Variants in EPHB4 observed in about 807,000 individuals in gnomAD.
The protein encoded by EPHB4 is EPH receptor B4, also known as ephrin type-B receptor 4.
In EPHB4, 50 loss-of-function variants were observed where a neutral mutation model predicts 110.6. That is an observed-to-expected ratio of 0.45 (90% confidence interval 0.36 to 0.57). The LOEUF (loss-of-function observed/expected upper bound fraction) is 0.57. Among genes scored for constraint, EPHB4 ranks in the 20% least tolerant of loss-of-function variants. The pLI is 0.00. For missense variants in EPHB4, 1,128 were observed against 1,382.1 expected, an observed-to-expected ratio of 0.82 and a Z score of 2.91; for synonymous variants, 592 against 578.4, an observed-to-expected ratio of 1.02 and a Z score of -0.34.
chr7:100,809,326 C>T (rs555235545), intron 12 of EPHB4, among the ~76,000 whole-genome samples: 8 of 152,070 alleles, frequency 5.3e-5, no homozygotes, highest in Non-Finnish European at 8.8e-5. Context: ...AGGCTGGTCT[C>T]GAACTCCTGA....
intron 8 of EPHB4, among the ~76,000 whole-genome samples, chr7:100,816,617 G>A (rs1360860098): frequency 6.6e-6 from 1 of 152,090 alleles, no homozygotes; most frequent in Non-Finnish European, 1.5e-5. Flanking sequence ...TACAGGGTGA[G>A]CCACTGTGCC....
chr7:100,810,022 T>G (rs902857124), intron 12 of EPHB4, among the ~76,000 whole-genome samples: 1 of 151,456 alleles, frequency 6.6e-6, no homozygotes, highest in African/African-American at 2.4e-5. Flanking sequence ...GCTGAGGTGG[T>G]GGGCAGATCA....
At chr7:100,810,202 A>C (rs1812898090) in intron 12 of EPHB4, among the ~76,000 whole-genome samples, 1 of 152,140 alleles carries the variant, frequency 6.6e-6, no homozygotes, top group Admixed American at 6.6e-5. Context: ...GTGAGCCGAG[A>C]TTGTGCCACT....
At chr7:100,817,082 CAAAAAAAAAA>C (rs35304729) in intron 8 of EPHB4, 100 bp downstream of exon 8, 62 of 783,200 alleles carry the variant, frequency 7.9e-5, no homozygotes, top group South Asian at 4.7e-4. Flanking sequence ...GACTCCATCT[CAAAAAAAAAA>C]AAAAAAAAAA....
intron 6 of EPHB4, 117 bp from the exon 7 acceptor site, chr7:100,818,761 G>A: frequency 7.6e-7 from 1 of 1,315,540 alleles, no homozygotes; most frequent in Non-Finnish European, 1.0e-6. Flanking sequence ...GGAGTGCAGT[G>A]GCGCAGTCTC....
In EPHB4 at chr7:100,813,157, A is replaced by G; in HGVS notation, c.1808T>C (p.Val603Ala). The change falls in exon 11 of 17, where the codon GTG (valine) becomes GCG (alanine). Residue 603 changes from valine to alanine, a missense_variant. Val to Ala is a moderately conservative substitution (Grantham distance 64). This residue lies in a region of EPHB4 where 191 missense variants were observed against 313.0 expected (regional missense o/e 0.61). Coordinates refer to ENST00000358173, the MANE Select transcript of EPHB4 (RefSeq NM_004444.5). The stretch of plus-strand genomic sequence containing the variant: ...ATCGATCTCTTTTGCAAATTCCCTC[A>G]CAGCCTCATTAGGGTCTTCATAAGT... The part of the protein sequence containing the change: ...PFTYEDPNEA[V>A]REFAKEIDVS... The G allele has an allele frequency of 3.1e-6, 5 of 1,610,168 alleles. No individual in the cohort carries two copies. Among genetic ancestry groups the G allele is most frequent in the Non-Finnish European group, 3.4e-6 (4 of 1,179,986 alleles).
chr7:100,823,197 T>C (rs369926232), intron 3 of EPHB4, among the ~76,000 whole-genome samples: 4 of 150,970 alleles, frequency 2.6e-5, no homozygotes, highest in African/African-American at 7.3e-5. Context: ...GTATGCAGGA[T>C]TGTAGGGAGG....
rs1313745323 is a variant in EPHB4 at position 100,819,537 on chromosome 7, C to A, written c.1297+20G>T. On this transcript the variant is annotated intron_variant, in intron 6 of 16. Coordinates refer to ENST00000358173, the MANE Select transcript of EPHB4 (RefSeq NM_004444.5). ...ATCTCTCCCGCCAGACCACCAGCCG[C>A]CCCAGCCCCCAAGTCTCACCCTCTC... is the stretch of plus-strand genomic sequence containing the variant. 1 of 1,536,454 alleles carries A rather than the reference C, an allele frequency of 6.5e-7. No homozygotes were observed. The highest frequency in any genetic ancestry group is 1.4e-5 in the African/African-American group (1 of 72,760).
chr7:100,807,630 T>TC, intron 12 of EPHB4, 50 bp from the exon 13 acceptor site: 1 of 1,558,182 alleles, frequency 6.4e-7, no homozygotes. Context: ...CACCCACCGT[T>TC]CCCCCTCCCA....
At chr7:100,806,707 GTT>G (rs1371467946) in intron 13 of EPHB4, 138 bp from the exon 14 acceptor site, 13 of 1,054,440 alleles carry the variant, frequency 1.2e-5, no homozygotes, top group Non-Finnish European at 1.6e-5. Flanking sequence ...CTCCAACTCT[GTT>G]TGCCCAGGTT....
intron 12 of EPHB4, among the ~76,000 whole-genome samples, chr7:100,810,420 G>A (rs563117167): frequency 4.6e-5 from 7 of 152,098 alleles, no homozygotes; most frequent in Admixed American, 2.0e-4. Flanking sequence ...TCATCATGAG[G>A]AACTGCTCAA....
At position 100,806,432 on chromosome 7, in the gene EPHB4, C is replaced by G; in HGVS notation, c.2472G>C (p.Met824Ile). 1.9e-6 allele frequency: 3 copies of G among 1,613,660 alleles called. No homozygotes were observed. The highest frequency in any genetic ancestry group is 2.5e-6 in the Non-Finnish European group (3 of 1,179,768). The change falls in exon 14 of 17, where the codon ATG becomes ATC. Residue 824 changes from methionine (M) to isoleucine (I), a missense_variant. Coordinates refer to ENST00000358173, the MANE Select transcript of EPHB4 (RefSeq NM_004444.5). Reference sequence around the variant, plus strand: ...ACGGGACACTTACGTCCTGATTGCTCATGTCCCAGTACGGCCTCTCCCCAA... The same window carrying G: ...ACGGGACACTTACGTCCTGATTGCTGATGTCCCAGTACGGCCTCTCCCCAA... Reference protein sequence around the residue: ...MSFGERPYWDMSNQDVINAIE... With the variant: ...MSFGERPYWDISNQDVINAIE...
At chr7:100,809,298 G>T (rs1812880185) in intron 12 of EPHB4, among the ~76,000 whole-genome samples, 1 of 151,954 alleles carries the variant, frequency 6.6e-6, no homozygotes, top group Admixed American at 6.6e-5. Context: ...GTACAGACAG[G>T]GTTTCACCAT....
Position 100,822,671 on chromosome 7 carries a change from C to G in EPHB4, c.412-4G>C. ...GCTCCGCGGCCACCGTGTCCACCTG[C>G]CGGCGGGGGGGAGGCACACCGCTGC... On this transcript the variant is annotated splice_polypyrimidine_tract_variant and splice_region_variant and intron_variant, in intron 3 of 16. Transcript: ENST00000358173. The surrounding 1 kb of genome is among the most constrained non-coding windows in gnomAD (Gnocchi z 4.7). The G allele has an allele frequency of 6.4e-7, 1 of 1,551,636 alleles. No individual in the cohort carries two copies. Among genetic ancestry groups the G allele is most frequent in the Non-Finnish European group, 8.7e-7 (1 of 1,144,896 alleles).
In EPHB4 at chr7:100,822,152, G is replaced by A; in HGVS notation, c.808+119C>T. On this transcript the variant is annotated intron_variant, in intron 4 of 16. Transcript: ENST00000358173. The surrounding 1 kb of genome is among the most constrained non-coding windows in gnomAD (Gnocchi z 4.7). ...ACTGCACTCCAGCCTGGGTGACAGAGCAAGCCTCCATTTCAACATCTAACT... is the reference window on the plus strand; with the variant it reads ...ACTGCACTCCAGCCTGGGTGACAGAACAAGCCTCCATTTCAACATCTAACT... 2 of 1,366,866 alleles carry A rather than the reference G, an allele frequency of 1.5e-6. No individual in the cohort carries two copies. The highest frequency in any genetic ancestry group is 1.9e-6 in the Non-Finnish European group (2 of 1,031,956). 84.7% of individuals were successfully genotyped at this position (1,366,866 alleles called of 1,614,324 possible).
intron 7 of EPHB4, 142 bp from the exon 8 acceptor site, chr7:100,817,499 A>C (rs1813105986): frequency 1.2e-6 from 1 of 867,998 alleles, no homozygotes; most frequent in Admixed American, 3.6e-5. Flanking sequence ...TACGCATGCA[A>C]GCCATGTGCT....
At chr7:100,824,547 T>G (rs314310) in intron 1 of EPHB4, 274,237 of 443,646 alleles carry the variant, frequency 0.62, 85,489 homozygotes, top group Middle Eastern at 0.73. Flanking sequence ...GATCAAAATG[T>G]ACGGGGAGAA....
intron 1 of EPHB4, 145 bp downstream of exon 1, chr7:100,826,834 T>A: frequency 1.0e-5 from 3 of 288,338 alleles, no homozygotes; most frequent in Non-Finnish European, 2.0e-5. Flanking sequence ...CCCCCTCCCG[T>A]TCCAGCACTA....
intron 12 of EPHB4, among the ~76,000 whole-genome samples, chr7:100,808,026 C>T (rs1481113042): frequency 6.6e-6 from 1 of 152,186 alleles, no homozygotes; most frequent in East Asian, 1.9e-4. Flanking sequence ...GAGCCTTCCT[C>T]CTTTCTCTTT....
Sources: gnomAD v4.1 joint callset for allele counts (sites outside exome capture counted in the v4.1 genomes callset) on GRCh38, gnomAD v4.1.1 for gene constraint, gnomAD v4.1.1 regional missense constraint, Gnocchi (gnomAD v3.1) non-coding constraint, MANE v1.5 for transcripts, NCBI Gene and HGNC (gene_info 2026-07-23, HGNC 2026-07-21) for gene names.